MYCBP2: variants seen among roughly 807,000 people sequenced by gnomAD.
MYCBP2 encodes the protein E3 ubiquitin-protein ligase MYCBP2.
MYCBP2 carries 120 observed loss-of-function variants against 525.3 expected under a neutral mutation model. The observed-to-expected ratio is 0.23, with a 90% CI of 0.20 to 0.27. The LOEUF (loss-of-function observed/expected upper bound fraction) is 0.27, where lower values mean the gene tolerates loss of function less well. Ranked by LOEUF, MYCBP2 falls within the 10% of genes least tolerant of loss-of-function variation. The pLI is 1.00. For missense variants in MYCBP2, 4,149 were observed against 5,657.1 expected, an observed-to-expected ratio of 0.73 and a Z score of 8.55; for synonymous variants, 1,894 against 1,955.8, an observed-to-expected ratio of 0.97 and a Z score of 0.83.
At chr13:77,163,272 G>A (rs2058156928) in intron 43 of MYCBP2, among the ~76,000 whole-genome samples, 1 of 152,052 alleles carries the variant, frequency 6.6e-6, no homozygotes, top group Admixed American at 6.5e-5. Flanking sequence ...AACAGCTATT[G>A]ACAAAAATAG....
At chr13:77,101,747 G>A (rs567291314) in intron 55 of MYCBP2, among the ~76,000 whole-genome samples, 10 of 151,566 alleles carry the variant, frequency 6.6e-5, no homozygotes, top group African/African-American at 2.2e-4. Context: ...TTTCCAAAAC[G>A]TATTTTATAT....
rs979461508 is a variant in MYCBP2 at position 77,125,272 on chromosome 13, T to C, written c.8017+64A>G. The C allele has an allele frequency of 5.7e-6, 9 of 1,570,920 alleles. No homozygotes were observed. In the Admixed American group the frequency reaches 1.6e-4, roughly 28 times the overall value. ...ACTCTTTAAAACAAAAGCAATACAA[T>C]AGGCATTAAACTTCTGTATTTGAAA... On this transcript the variant is annotated intron_variant, in intron 54 of 82. Transcript: ENST00000544440.
At position 77,263,727 on chromosome 13, in the gene MYCBP2, T is replaced by C. The variant is rs539197195; in HGVS notation, c.1494A>G (p.Gln498=). Residue 498 remains glutamine, a synonymous_variant, in exon 10 of 83, where the codon CAA becomes CAG. Transcript: ENST00000544440. ...GTAAGCATTTTCTAGCCAGTTTAAG[T>C]TGCAATTCTTGCTGTAGAACAGGTT... ...STEPVLQQEL[Q]LKLARKCLHA... 6 of 1,613,108 alleles carry C rather than the reference T, an allele frequency of 3.7e-6. No individual in the cohort carries two copies. The African/African-American group carries it at 4.0e-5, about 11-fold the overall frequency.
chr13:77,119,155 A>G (rs1285569580), intron 55 of MYCBP2, among the ~76,000 whole-genome samples: 1 of 152,194 alleles, frequency 6.6e-6, no homozygotes, highest in Non-Finnish European at 1.5e-5. Flanking sequence ...TTTGAATAGT[A>G]TCTAAAATAT....
At position 77,268,592 on chromosome 13, in the gene MYCBP2, C is replaced by T. The variant is rs1052273363; in HGVS notation, c.1261-655G>A. On this transcript the variant is annotated intron_variant, in intron 7 of 82. Coordinates refer to ENST00000544440, the MANE Select transcript of MYCBP2 (RefSeq NM_015057.5). ...ATTAAGAGTTCGAGACAAGCCTGGC[C>T]GGCATGGTTAAACCCGTCTCTACTA... Among the ~76,000 whole-genome samples, 7 of 152,024 alleles carry T rather than the reference C, an allele frequency of 4.6e-5. 1 individual carries two copies. Among genetic ancestry groups the T allele is most frequent in the Admixed American group, 2.0e-4 (3 of 15,252 alleles).
At chr13:77,080,092 G>A (rs1463469307) in intron 65 of MYCBP2, among the ~76,000 whole-genome samples, 1 of 152,158 alleles carries the variant, frequency 6.6e-6, no homozygotes, top group East Asian at 1.9e-4. Context: ...GTTTTGCTTT[G>A]TTACACTTGA....
chr13:77,318,267 C>G (rs1342022808), intron 1 of MYCBP2, among the ~76,000 whole-genome samples: 1 of 152,120 alleles, frequency 6.6e-6, no homozygotes, highest in Non-Finnish European at 1.5e-5. Context: ...GAATGAAAAC[C>G]CTTTTATTGG....
At chr13:77,139,478 G>T in intron 51 of MYCBP2, 142 bp from the exon 52 acceptor site, 2 of 829,986 alleles carry the variant, frequency 2.4e-6, no homozygotes, top group Non-Finnish European at 1.8e-6. Flanking sequence ...AAGTCTGAGA[G>T]ACCCTCCAGG....
At chr13:77,130,887 C>CA (rs1304456087) in intron 52 of MYCBP2, among the ~76,000 whole-genome samples, 3 of 152,094 alleles carry the variant, frequency 2.0e-5, no homozygotes. Flanking sequence ...GATAAAGAAG[C>CA]AATGTGATGA....
At chr13:77,141,707 G>A (rs1274633485) in intron 49 of MYCBP2, among the ~76,000 whole-genome samples, 1 of 150,828 alleles carries the variant, frequency 6.6e-6, no homozygotes, top group Non-Finnish European at 1.5e-5. Flanking sequence ...TGAGGTGGAG[G>A]TTGCAGTGGG....
At chr13:77,068,373 C>T (rs1244246416) in intron 70 of MYCBP2, among the ~76,000 whole-genome samples, 192 bp downstream of exon 70, 1 of 149,444 alleles carries the variant, frequency 6.7e-6, no homozygotes, top group Non-Finnish European at 1.5e-5. Context: ...TAAAATGGAA[C>T]ATATTTTACT....
intron 55 of MYCBP2, among the ~76,000 whole-genome samples, chr13:77,112,141 G>A (rs1235730661): frequency 6.6e-6 from 1 of 151,798 alleles, no homozygotes; most frequent in African/African-American, 2.4e-5. Context: ...GTAACTCCGA[G>A]CTGATAAGTG....
At chr13:77,247,791 G>A (rs1449777341) in intron 15 of MYCBP2, among the ~76,000 whole-genome samples, 1 of 152,076 alleles carries the variant, frequency 6.6e-6, no homozygotes, top group African/African-American at 2.4e-5. Flanking sequence ...TTTGACAAAG[G>A]AGCCAAGATG....
intron 76 of MYCBP2, 87 bp downstream of exon 76, chr13:77,061,082 C>T (rs1048947768): frequency 7.3e-7 from 1 of 1,369,804 alleles, no homozygotes; most frequent in Non-Finnish European, 9.9e-7. Flanking sequence ...GAATATCACT[C>T]AAAATTATTC....
At chr13:77,074,945 A>AT (rs1176449387) in intron 68 of MYCBP2, among the ~76,000 whole-genome samples, 1 of 152,222 alleles carries the variant, frequency 6.6e-6, no homozygotes, top group Non-Finnish European at 1.5e-5. Context: ...ATGGTGGCTC[A>AT]TATCTGTAAT....
chr13:77,285,368 TAACTC>T (rs1232583166), intron 3 of MYCBP2, among the ~76,000 whole-genome samples: 4 of 152,362 alleles, frequency 2.6e-5, no homozygotes, highest in Middle Eastern at 3.4e-3. Flanking sequence ...CCCTACGTCC[TAACTC>T]AACTATGTTT....
chr13:77,211,951 A>G lies in MYCBP2; in HGVS notation c.3262+5T>C. 6.2e-7 allele frequency: 1 copy of G among 1,606,598 alleles called. No individual in the cohort carries two copies. Among genetic ancestry groups the G allele is most frequent in the Non-Finnish European group, 8.5e-7 (1 of 1,173,356 alleles). On this transcript the variant is annotated splice_donor_5th_base_variant and intron_variant, in intron 22 of 82. Transcript: ENST00000544440. ...GAAGGGGCATTTGTTTATTTCTGGT[A>G]TTACCTATTATGTGTTTACTGGCAA...
chr13:77,064,697 T>C lies in MYCBP2; in HGVS notation c.12590A>G (p.Asn4197Ser), dbSNP rs1266825362. ...LSEAWSRVTKNAIAETIIALT... is the reference protein window; with the variant it reads ...LSEAWSRVTKSAIAETIIALT... Reference sequence around the variant, plus strand: ...GGCAATGATGGTTTCTGCAATAGCATTTTTTGTCACTCGGGACCAAGCTTC... The same window carrying C: ...GGCAATGATGGTTTCTGCAATAGCACTTTTTGTCACTCGGGACCAAGCTTC... Residue 4197 changes from asparagine (N) to serine (S), a missense_variant, in exon 73 of 83, where the codon AAT becomes AGT. By Grantham distance (46) the Asn-to-Ser change is conservative. Around this residue, in one of 21 missense-constraint regions of MYCBP2, gnomAD observed 148 missense variants for 179.4 expected, o/e 0.82. Transcript: ENST00000544440. The C allele has an allele frequency of 6.2e-7, 1 of 1,613,594 alleles. No individual in the cohort carries two copies. Among genetic ancestry groups the C allele is most frequent in the Admixed American group, 1.7e-5 (1 of 60,016 alleles).
Position 77,231,195 on chromosome 13 carries a change from AG to A in MYCBP2, c.2737+1960del, listed in dbSNP as rs1566989689. 1.3e-5 allele frequency among the ~76,000 whole-genome samples: 2 copies of A among 152,238 alleles called. 1 individual carries two copies. The highest frequency in any genetic ancestry group is 1.3e-4 in the Admixed American group (2 of 15,278). On this transcript the variant is annotated intron_variant, in intron 18 of 82. Coordinates refer to ENST00000544440, the MANE Select transcript of MYCBP2 (RefSeq NM_015057.5). ...GTCCTACACTGTGATATTACAAAGT[AG>A]GTCCTTACAGAGTGGTTACAAGTAT...
Sources: gnomAD v4.1 joint callset for allele counts (sites outside exome capture counted in the v4.1 genomes callset) on GRCh38, gnomAD v4.1.1 for gene constraint, gnomAD v4.1.1 regional missense constraint, MANE v1.5 for transcripts, NCBI Gene and HGNC (gene_info 2026-07-23, HGNC 2026-07-21) for gene names.